Variants in RPSA2 observed in about 807,000 individuals in gnomAD.
RPSA2 encodes the protein small ribosomal subunit protein uS2B.
chr19:23,813,095 C>T, the RPSA2 span, among the ~76,000 whole-genome samples: 1 of 151,724 alleles, frequency 6.6e-6, no homozygotes, highest in Non-Finnish European at 1.5e-5. Context: ...AATAGCCAGG[C>T]AGGGTTGTGT....
chr19:23,866,936 G>T, the RPSA2 span, among the ~76,000 whole-genome samples: 13 of 152,282 alleles, frequency 8.5e-5, no homozygotes, highest in East Asian at 2.3e-3. Flanking sequence ...GTTGACTCTG[G>T]TTAAGGAGAA....
At chr19:23,785,814 C>T in the RPSA2 span, among the ~76,000 whole-genome samples, 1 of 152,128 alleles carries the variant, frequency 6.6e-6, no homozygotes, top group African/African-American at 2.4e-5. Flanking sequence ...AGGAGAGGTG[C>T]TGTCTTTTAT....
chr19:23,796,190 C>T, the RPSA2 span, among the ~76,000 whole-genome samples: 1 of 152,190 alleles, frequency 6.6e-6, no homozygotes, highest in Admixed American at 6.5e-5. Flanking sequence ...TATATTTTAT[C>T]AAAAGCCTTT....
At chr19:23,851,884 C>T in the RPSA2 span, among the ~76,000 whole-genome samples, 1 of 152,116 alleles carries the variant, frequency 6.6e-6, no homozygotes, top group African/African-American at 2.4e-5. Context: ...GTGAATTTTC[C>T]ACAGTATGGA....
chr19:23,805,930 C>G, the RPSA2 span, among the ~76,000 whole-genome samples: 1 of 151,976 alleles, frequency 6.6e-6, no homozygotes, highest in African/African-American at 2.4e-5. Flanking sequence ...ACCATGAATT[C>G]GTGATCTGCA....
chr19:23,864,649 C>G, the RPSA2 span, among the ~76,000 whole-genome samples: 1 of 152,084 alleles, frequency 6.6e-6, no homozygotes, highest in Non-Finnish European at 1.5e-5. Context: ...TAGTTCTGAA[C>G]ATACTGATTT....
At chr19:23,818,898 T>A in the RPSA2 span, 2 of 152,624 alleles carry the variant, frequency 1.3e-5, no homozygotes, top group South Asian at 4.1e-4. Flanking sequence ...AGTTCCTCAA[T>A]GGGTCCCTGC....
the RPSA2 span, among the ~76,000 whole-genome samples, chr19:23,812,690 G>A: frequency 2.0e-5 from 3 of 152,084 alleles, no homozygotes; most frequent in Admixed American, 6.5e-5. Context: ...TTAGCCACTG[G>A]GCCCGACCTC....
At chr19:23,834,960 T>C in the RPSA2 span, among the ~76,000 whole-genome samples, 1 of 152,106 alleles carries the variant, frequency 6.6e-6, no homozygotes, top group South Asian at 2.1e-4. Context: ...TATATGTTTA[T>C]GCCATATATG....
chr19:23,832,594 C>T, the RPSA2 span: 3 of 1,278,044 alleles, frequency 2.3e-6, no homozygotes, highest in Non-Finnish European at 2.1e-6. Flanking sequence ...AGTCCCCATA[C>T]CTTACTACAC....
At chr19:23,779,773 T>A in the RPSA2 span, among the ~76,000 whole-genome samples, 11 of 152,188 alleles carry the variant, frequency 7.2e-5, no homozygotes, top group Non-Finnish European at 1.5e-4. Flanking sequence ...ATGTGATGCC[T>A]TTTCTATCTG....
the RPSA2 span, among the ~76,000 whole-genome samples, chr19:23,792,474 T>G: frequency 6.6e-6 from 1 of 152,320 alleles, no homozygotes; most frequent in East Asian, 1.9e-4. Context: ...GAGTTGTTAT[T>G]GTTTTGAGGC....
the RPSA2 span, among the ~76,000 whole-genome samples, chr19:23,820,543 C>G: frequency 2.0e-5 from 3 of 152,124 alleles, no homozygotes; most frequent in Non-Finnish European, 4.4e-5. Flanking sequence ...GCTTCTCTGT[C>G]TGCTTTTCCA....
chr19:23,861,137 T>A, the RPSA2 span, among the ~76,000 whole-genome samples: 1 of 152,170 alleles, frequency 6.6e-6, no homozygotes, highest in Admixed American at 6.5e-5. Flanking sequence ...TCATATCACA[T>A]GTTATGAACC....
chr19:23,758,756 G>T, the RPSA2 span: 3 of 1,614,238 alleles, frequency 1.9e-6, no homozygotes, highest in Non-Finnish European at 2.5e-6. Flanking sequence ...CCATTTCTAG[G>T]TTTCCGGGGG....
the RPSA2 span, among the ~76,000 whole-genome samples, chr19:23,777,254 G>A: frequency 1.6e-3 from 245 of 152,298 alleles, no homozygotes; most frequent in African/African-American, 5.1e-3. Flanking sequence ...CCTAGGTGAC[G>A]TTATTCTTTT....
At chr19:23,759,091 C>T in the RPSA2 span, among the ~76,000 whole-genome samples, 21 of 152,170 alleles carry the variant, frequency 1.4e-4, no homozygotes, top group Non-Finnish European at 3.1e-4. Flanking sequence ...GGGCTCCCTC[C>T]CTGAGCTAAG....
the RPSA2 span, among the ~76,000 whole-genome samples, chr19:23,839,957 T>C: frequency 6.6e-6 from 1 of 152,204 alleles, no homozygotes; most frequent in South Asian, 2.1e-4. Context: ...GCACTCACTG[T>C]ATTTGGGGTG....
chr19:23,848,446 C>T, the RPSA2 span, among the ~76,000 whole-genome samples: 1 of 152,192 alleles, frequency 6.6e-6, no homozygotes, highest in African/African-American at 2.4e-5. Flanking sequence ...CCCTGGTAGA[C>T]TTAATCCAAG....
Sources: allele counts gnomAD v4.1 joint callset (sites outside exome capture counted in the v4.1 genomes callset), GRCh38; gene constraint gnomAD v4.1.1; transcripts MANE v1.5; gene names NCBI Gene and HGNC (gene_info 2026-07-23, HGNC 2026-07-21).